Variants in GLIS1 observed in about 807,000 individuals in gnomAD.
GLIS1 encodes GLIS family zinc finger 1, also known as zinc finger protein GLIS1.
GLIS1 carries 24 observed loss-of-function variants against 63.8 expected under a neutral mutation model. The observed-to-expected ratio is 0.38, with a 90% CI of 0.27 to 0.53. The LOEUF (loss-of-function observed/expected upper bound fraction) is 0.53, where lower values mean the gene tolerates loss of function less well. GLIS1 is among the 20% of genes least tolerant of loss of function. The pLI is 0.85. For synonymous variants in GLIS1, 450 were observed against 482.5 expected (o/e 0.93, Z 0.88); for missense variants, 1,036 against 1,074.1 (o/e 0.96, Z 0.50).
intron 2 of GLIS1, among the ~76,000 whole-genome samples, chr1:53,683,084 G>A (rs1385012358): frequency 3.9e-5 from 6 of 152,242 alleles, no homozygotes. Context: ...CAAAGGCACT[G>A]AGGCAGAAGG....
intron 2 of GLIS1, among the ~76,000 whole-genome samples, chr1:53,613,883 T>C (rs1464466302): frequency 6.6e-6 from 1 of 152,230 alleles, no homozygotes; most frequent in African/African-American, 2.4e-5. Flanking sequence ...CAACTACCAA[T>C]GGCCAACCAT....
chr1:53,679,697 G>C (rs1646254198), intron 2 of GLIS1, among the ~76,000 whole-genome samples: 1 of 151,866 alleles, frequency 6.6e-6, no homozygotes, highest in Non-Finnish European at 1.5e-5. Context: ...GGGCCCCTTG[G>C]CTGCTCTGAG....
At chr1:53,711,984 G>C (rs922201905) in intron 2 of GLIS1, among the ~76,000 whole-genome samples, 1 of 152,206 alleles carries the variant, frequency 6.6e-6, no homozygotes, top group South Asian at 2.1e-4. Context: ...GAAGGAGCAG[G>C]CAATGCCCCA....
chr1:53,614,902 G>GCA (rs1645464073), intron 2 of GLIS1, among the ~76,000 whole-genome samples: 1 of 137,110 alleles, frequency 7.3e-6, no homozygotes, highest in South Asian at 2.3e-4. Context: ...ACATATTCGT[G>GCA]CACACACTCA....
In GLIS1 at chr1:53,617,076, G is replaced by A. The variant is rs190003802; in HGVS notation, c.260-16798C>T. ...GGGCCTAGAGCCAGCCTAGGCCCTAGGCTGGAGTCAGCCTGCACGCTCAGC... is the reference window on the plus strand; with the variant it reads ...GGGCCTAGAGCCAGCCTAGGCCCTAAGCTGGAGTCAGCCTGCACGCTCAGC... On this transcript the variant is annotated intron_variant, in intron 2 of 10. Transcript: ENST00000628545. Among the ~76,000 whole-genome samples the A allele has an allele frequency of 9.3e-4, 141 of 152,146 alleles. No homozygotes were observed. In the Middle Eastern group the frequency reaches 0.014, roughly 15 times the overall value.
At chr1:53,512,871 G>A (rs966595836) in intron 8 of GLIS1, among the ~76,000 whole-genome samples, 1 of 151,996 alleles carries the variant, frequency 6.6e-6, no homozygotes, top group African/African-American at 2.4e-5. Flanking sequence ...GTTGGTGGGT[G>A]AGCAGGTGGC....
At chr1:53,735,679 T>C (rs915530611) in intron 2 of GLIS1, among the ~76,000 whole-genome samples, 1 of 152,190 alleles carries the variant, frequency 6.6e-6, no homozygotes, top group East Asian at 1.9e-4. Flanking sequence ...TATTTTTCAA[T>C]TGGTATTTCT....
intron 4 of GLIS1, among the ~76,000 whole-genome samples, chr1:53,561,767 T>C (rs1215742342): frequency 6.6e-6 from 1 of 152,168 alleles, no homozygotes; most frequent in Non-Finnish European, 1.5e-5. Context: ...CAAGGAAGCT[T>C]TGGCCCATGG....
At position 53,737,811 on chromosome 1, in the gene GLIS1, C is replaced by CCGG. The variant is rs577765054; in HGVS notation, c.251_253dup (p.Ala84dup). The CCGG allele has an allele frequency of 1.1e-4, 136 of 1,231,056 alleles. No homozygotes were observed. The African/African-American group carries it at 1.6e-3, about 14-fold the overall frequency. 76.3% of individuals were successfully genotyped at this position (1,231,056 alleles called of 1,614,324 possible). A position where few individuals can be genotyped will look rare whatever the true frequency, so the allele number is the denominator to read the frequency against. On this transcript the variant is annotated inframe_insertion, in exon 2 of 11. Coordinates refer to ENST00000628545, the MANE Select transcript of GLIS1 (RefSeq NM_001367484.1). ...GTTGGCAGGGCCGAACTCACCCTTC[C>CCGG]CGGCGGCGGCGGCCTTGGATGGACC...
intron 4 of GLIS1, among the ~76,000 whole-genome samples, chr1:53,555,678 T>A (rs1440714522): frequency 6.6e-6 from 1 of 152,232 alleles, no homozygotes; most frequent in East Asian, 1.9e-4. Flanking sequence ...ATGTAACCCA[T>A]ATATACACCT....
chr1:53,720,019 T>C (rs1051602093), intron 2 of GLIS1, among the ~76,000 whole-genome samples: 9 of 151,876 alleles, frequency 5.9e-5, no homozygotes, highest in African/African-American at 1.9e-4. Context: ...CTACTAAAAA[T>C]ACAAAAATTA....
At chr1:53,629,489 G>C (rs1300062546) in intron 2 of GLIS1, among the ~76,000 whole-genome samples, 2 of 152,152 alleles carry the variant, frequency 1.3e-5, no homozygotes, top group East Asian at 3.9e-4. Context: ...GCATGAGATG[G>C]GCTTCGAGAA....
chr1:53,706,660 G>A (rs929466188), intron 2 of GLIS1, among the ~76,000 whole-genome samples: 18 of 152,182 alleles, frequency 1.2e-4, no homozygotes, highest in East Asian at 1.9e-4. Flanking sequence ...TGATTTAATC[G>A]GAAACACGTG....
intron 4 of GLIS1, among the ~76,000 whole-genome samples, chr1:53,565,305 G>A (rs1001901023): frequency 1.3e-5 from 2 of 151,960 alleles, no homozygotes; most frequent in African/African-American, 4.8e-5. Context: ...GAAAATTAAT[G>A]TGCTAGGAGA....
At chr1:53,698,942 A>T (rs758101977) in intron 2 of GLIS1, among the ~76,000 whole-genome samples, 6 of 152,130 alleles carry the variant, frequency 3.9e-5, no homozygotes, top group Non-Finnish European at 7.4e-5. Context: ...ACTAATAATG[A>T]CCATCAGAGT....
chr1:53,661,144 C>T (rs1039506872), intron 2 of GLIS1, among the ~76,000 whole-genome samples: 3 of 152,158 alleles, frequency 2.0e-5, no homozygotes, highest in Admixed American at 1.3e-4. Context: ...GTGAGAAATG[C>T]TAATGCTTCT....
intron 2 of GLIS1, among the ~76,000 whole-genome samples, chr1:53,736,092 G>C (rs1261855659): frequency 6.6e-6 from 1 of 152,194 alleles, no homozygotes; most frequent in Non-Finnish European, 1.5e-5. Context: ...GCCTCACTGG[G>C]AGGCTATGAA....
intron 8 of GLIS1, 119 bp downstream of exon 8, chr1:53,514,506 G>T: frequency 2.0e-6 from 2 of 1,002,704 alleles, no homozygotes; most frequent in Non-Finnish European, 3.0e-6. Context: ...TTCCCTGAAG[G>T]TTGGCTATTT....
Position 53,635,901 on chromosome 1 carries a change from C to T in GLIS1, c.260-35623G>A, listed in dbSNP as rs182562683. ...AATTTATCAAAACTGATAAAGACAA[C>T]GGAAAAACTAAATAGTCCAATAGAT... On this transcript the variant is annotated intron_variant, in intron 2 of 10. Coordinates refer to ENST00000628545, the MANE Select transcript of GLIS1 (RefSeq NM_001367484.1). Among the ~76,000 whole-genome samples, 405 of 152,172 alleles carry T rather than the reference C, an allele frequency of 2.7e-3. 5 individuals are homozygous for T. The highest frequency in any genetic ancestry group is 9.4e-3 in the African/African-American group (391 of 41,546).
Sources: gnomAD v4.1 joint callset for allele counts (sites outside exome capture counted in the v4.1 genomes callset) on GRCh38, gnomAD v4.1.1 for gene constraint, MANE v1.5 for transcripts, NCBI Gene and HGNC (gene_info 2026-07-23, HGNC 2026-07-21) for gene names.